Variants in UPRT observed in about 807,000 individuals in gnomAD.
UPRT encodes RP11-311P8.3.
A neutral mutation model predicts 22.6 loss-of-function variants in UPRT; 5 were observed. The ratio of observed to expected loss-of-function variants is 0.22; its 90% CI spans 0.12 to 0.47. The LOEUF (loss-of-function observed/expected upper bound fraction) is 0.47, where lower values mean the gene tolerates loss of function less well. UPRT is among the 20% of genes least tolerant of loss of function. The pLI is 0.99. For missense variants in UPRT, 181 were observed against 239.9 expected (o/e 0.75, Z 1.62); for synonymous variants, 77 against 87.7 (o/e 0.88, Z 0.68).
chrX:75,258,193 G>GTT (rs140894142), intron 4 of UPRT, among the ~76,000 whole-genome samples: 897 of 79,642 alleles, frequency 0.011, 9 homozygotes, highest in East Asian at 0.035. Flanking sequence ...AGCTGCAGGT[G>GTT]TTTTTTTTTT....
intron 4 of UPRT, among the ~76,000 whole-genome samples, chrX:75,197,550 A>G (rs1055840671): frequency 8.9e-6 from 1 of 112,013 alleles, no homozygotes; most frequent in Non-Finnish European, 1.9e-5. Context: ...AGATGTTTCC[A>G]AAAGTAATCC....
At chrX:75,156,509 C>T (rs2082179986) in exon 1 of UPRT, among the ~76,000 whole-genome samples, 2 of 111,495 alleles carry the variant, frequency 1.8e-5, no homozygotes, top group South Asian at 7.5e-4. Flanking sequence ...GTATTTTTCT[C>T]TTTTCCTGGA....
intron 1 of UPRT, among the ~76,000 whole-genome samples, chrX:75,286,547 G>C (rs751327730): frequency 9.0e-6 from 1 of 111,613 alleles, no homozygotes; most frequent in East Asian, 2.8e-4. Context: ...TTGTTGGAAA[G>C]GGTATATTCT....
chrX:75,177,203 G>A (rs752117168), intron 4 of UPRT, among the ~76,000 whole-genome samples: 117 of 110,739 alleles, frequency 1.1e-3, no homozygotes, highest in African/African-American at 3.7e-3. Flanking sequence ...CCTGGACCCT[G>A]CTGATCGGAA....
At chrX:75,193,297 C>T (rs770749301) in intron 4 of UPRT, among the ~76,000 whole-genome samples, 4 of 112,354 alleles carry the variant, frequency 3.6e-5, no homozygotes, top group Non-Finnish European at 7.5e-5. Flanking sequence ...GACCACCAAT[C>T]TCTTCTGGCT....
chrX:75,185,229 A>C (rs1164327154), intron 4 of UPRT, among the ~76,000 whole-genome samples: 2 of 111,914 alleles, frequency 1.8e-5, no homozygotes, highest in East Asian at 5.6e-4. Context: ...TTTTAGCATG[A>C]AGCGTTGTTG....
intron 2 of UPRT, among the ~76,000 whole-genome samples, chrX:75,162,455 C>A (rs1295541760): frequency 9.0e-6 from 1 of 111,478 alleles, no homozygotes; most frequent in Admixed American, 9.6e-5. Flanking sequence ...AAGTTTTCAT[C>A]TTAAACTCTC....
In UPRT at chrX:75,232,530, G is replaced by A. The variant is rs1387086061; in HGVS notation, c.-446-58494G>A. 6.2e-5 allele frequency among the ~76,000 whole-genome samples: 7 copies of A among 112,474 alleles called. No individual in the cohort carries two copies. The South Asian group carries it at 1.5e-3, about 24-fold the overall frequency. On this transcript the variant is annotated intron_variant, in intron 4 of 13. Transcript: ENST00000652605. ...AGCAGTAACCTCTGCAGACTTAAAT[G>A]TCCCTGTCTGACAGCTTTGAAGAGA...
At position 75,243,839 on chromosome X, in the gene UPRT, C is replaced by T. The variant is rs1369959918; in HGVS notation, c.-446-47185C>T. The stretch of plus-strand genomic sequence containing the variant: ...ACATTTAAAATTCATTACTGCATTT[C>T]GATTACTGCTAATAATACTATACTT... On this transcript the variant is annotated intron_variant, in intron 4 of 13. Coordinates refer to the UPRT transcript ENST00000652605. 3.6e-5 allele frequency among the ~76,000 whole-genome samples: 4 copies of T among 111,601 alleles called. No homozygotes were observed. The South Asian group carries it at 1.1e-3, about 31-fold the overall frequency.
intron 4 of UPRT, among the ~76,000 whole-genome samples, chrX:75,168,112 G>A (rs887115250): frequency 1.8e-5 from 2 of 111,854 alleles, no homozygotes; most frequent in South Asian, 3.7e-4. Flanking sequence ...ATTTACCTCC[G>A]TTCTGTTCCT....
At chrX:75,182,403 A>G (rs985183464) in intron 4 of UPRT, among the ~76,000 whole-genome samples, 1 of 111,854 alleles carries the variant, frequency 8.9e-6, no homozygotes, top group Non-Finnish European at 1.9e-5. Context: ...TTTTTCCTCA[A>G]TTCTTTGGAA....
At chrX:75,170,942 C>T (rs867921117) in intron 4 of UPRT, among the ~76,000 whole-genome samples, 30 of 111,616 alleles carry the variant, frequency 2.7e-4, no homozygotes, top group African/African-American at 8.8e-4. Context: ...GAGAAATCTG[C>T]GTTATTCTGA....
intron 4 of UPRT, among the ~76,000 whole-genome samples, chrX:75,249,979 A>T (rs1039327453): frequency 3.6e-5 from 4 of 111,943 alleles, no homozygotes; most frequent in African/African-American, 1.3e-4. Context: ...ATAACGAAAC[A>T]AAGGCAGAAA....
intron 4 of UPRT, among the ~76,000 whole-genome samples, chrX:75,197,163 C>T (rs755625338): frequency 9.0e-6 from 1 of 111,625 alleles, no homozygotes; most frequent in South Asian, 3.8e-4. Flanking sequence ...CTCCTTAAGA[C>T]TTCTTAAGCA....
chrX:75,295,670 C>T (rs1019678130), intron 2 of UPRT, among the ~76,000 whole-genome samples: 2 of 112,341 alleles, frequency 1.8e-5, no homozygotes, highest in African/African-American at 6.5e-5. Flanking sequence ...CTCAGCATTA[C>T]TTTTACTGTA....
At chrX:75,238,394 A>G (rs2082477274) in intron 4 of UPRT, among the ~76,000 whole-genome samples, 1 of 112,270 alleles carries the variant, frequency 8.9e-6, no homozygotes, top group African/African-American at 3.2e-5. Context: ...GAGGGGCATT[A>G]TATAATGACA....
intron 4 of UPRT, among the ~76,000 whole-genome samples, chrX:75,250,974 C>G (rs1349957413): frequency 1.8e-5 from 2 of 111,681 alleles, no homozygotes; most frequent in Non-Finnish European, 3.8e-5. Context: ...ATGATTATCT[C>G]AATAGATGCA....
chrX:75,231,124 A>T (rs1279908281), intron 4 of UPRT, among the ~76,000 whole-genome samples: 1 of 111,926 alleles, frequency 8.9e-6, no homozygotes, highest in East Asian at 2.8e-4. Flanking sequence ...GCAGATACAG[A>T]ATTCAGAAGG....
chrX:75,156,926 C>CACACACACACACACACAGAG (rs748263766), intron 1 of UPRT, among the ~76,000 whole-genome samples: 3 of 108,931 alleles, frequency 2.8e-5, no homozygotes, highest in African/African-American at 1.0e-4. Context: ...CACACACACA[C>CACACACACACACACACAGAG]AGAGAGACTA....
Sources: gnomAD v4.1 joint callset for allele counts (sites outside exome capture counted in the v4.1 genomes callset) on GRCh38, gnomAD v4.1.1 for gene constraint, MANE v1.5 for transcripts, NCBI Gene and HGNC (gene_info 2026-07-23, HGNC 2026-07-21) for gene names.